The following MIA2 variants were observed in gnomAD, a reference collection of about 807,000 sequenced individuals.
MIA2 encodes the protein melanoma inhibitory activity protein 2.
In MIA2, 127 loss-of-function variants were observed where a neutral mutation model predicts 167.8. The observed-to-expected ratio is 0.76, with a 90% CI of 0.66 to 0.88. The LOEUF is 0.88. Ranked by LOEUF, MIA2 falls within the 40% of genes least tolerant of loss-of-function variation. The pLI is 0.00. For synonymous variants in MIA2, 552 were observed against 541.9 expected, an observed-to-expected ratio of 1.02 and a Z score of -0.26; for missense variants, 1,690 against 1,624.7, an observed-to-expected ratio of 1.04 and a Z score of -0.69.
intron 1 of MIA2, among the ~76,000 whole-genome samples, chr14:39,235,069 T>C (rs912235605): frequency 6.6e-6 from 1 of 151,864 alleles, no homozygotes; most frequent in East Asian, 1.9e-4. Context: ...GGAGTCTTGC[T>C]CTGTCACCCA....
intron 6 of MIA2, among the ~76,000 whole-genome samples, chr14:39,272,426 A>G (rs1275081815): frequency 6.6e-6 from 1 of 152,186 alleles, no homozygotes; most frequent in Non-Finnish European, 1.5e-5. Flanking sequence ...GATCAATCAG[A>G]GGAAAGTGGG....
chr14:39,275,746 A>AT (rs545632780), intron 6 of MIA2, among the ~76,000 whole-genome samples: 35 of 151,852 alleles, frequency 2.3e-4, no homozygotes, highest in African/African-American at 4.8e-4. Context: ...AGCAAAAATA[A>AT]TTTTTTTTTA....
At chr14:39,363,894 CT>C (rs1359866954) in intron 23 of MIA2, among the ~76,000 whole-genome samples, 1 of 152,060 alleles carries the variant, frequency 6.6e-6, no homozygotes, top group African/African-American at 2.4e-5. Context: ...AAGAGTAAAG[CT>C]TTCAGTCTAT....
rs186525189 is a variant in MIA2, at chr14:39,266,989, C to A, written c.1888-9945C>A. ...CAGCGCGGAGTATGAGGCCGAATCT[C>A]ATCCTCTAGTCCCAAGCCTCTCCAC... On this transcript the variant is annotated intron_variant, in intron 6 of 28. Coordinates refer to ENST00000640607, the MANE Select transcript of MIA2 (RefSeq NM_001329214.4). The A allele has an allele frequency of 3.1e-3, 2,463 of 806,854 alleles. 6 individuals carry two copies. The highest frequency in any genetic ancestry group is 3.5e-3 in the Non-Finnish European group (2,322 of 662,066). 50.0% of individuals were successfully genotyped at this position (806,854 alleles called of 1,614,324 possible).
At chr14:39,237,200 A>T (rs1202743665) in intron 2 of MIA2, 145 bp downstream of exon 2, 10 of 885,500 alleles carry the variant, frequency 1.1e-5, no homozygotes. Flanking sequence ...AGCTCACTAC[A>T]ACTTCCAGCT....
At chr14:39,278,870 T>C (rs1299826736) in intron 7 of MIA2, among the ~76,000 whole-genome samples, 1 of 152,168 alleles carries the variant, frequency 6.6e-6, no homozygotes, top group African/African-American at 2.4e-5. Context: ...CTTTAATAAG[T>C]AGTATTTAGG....
At chr14:39,300,439 A>G (rs2062203939) in intron 14 of MIA2, among the ~76,000 whole-genome samples, 1 of 152,134 alleles carries the variant, frequency 6.6e-6, no homozygotes, top group South Asian at 2.1e-4. Flanking sequence ...CATAAGAATA[A>G]AAGGATTTTT....
chr14:39,356,199 G>A (rs1427836523), downstream of MIA2, among the ~76,000 whole-genome samples: 1 of 151,962 alleles, frequency 6.6e-6, no homozygotes, highest in African/African-American at 2.4e-5. Context: ...TTTTTTGGTT[G>A]GTAAGCTATT....
intron 9 of MIA2, among the ~76,000 whole-genome samples, chr14:39,288,468 T>TTTGTTTG: frequency 2.3e-5 from 1 of 44,182 alleles, no homozygotes; most frequent in Non-Finnish European, 3.9e-5. Context: ...TATATATATA[T>TTTGTTTG]ATATATATTT....
chr14:39,304,251 CTG>C, intron 16 of MIA2, 38 bp from the exon 17 acceptor site: 1 of 922,856 alleles, frequency 1.1e-6, no homozygotes, highest in Non-Finnish European at 1.6e-6. Context: ...TTTTGTATAA[CTG>C]ATTAATGTTA....
At chr14:39,347,517 C>A (rs2073555730) in intron 26 of MIA2, 196 bp from the exon 27 acceptor site, 1 of 564,514 alleles carries the variant, frequency 1.8e-6, no homozygotes, top group Non-Finnish European at 3.1e-6. Flanking sequence ...TTGCCACATG[C>A]CATCATAGAA....
intron 9 of MIA2, among the ~76,000 whole-genome samples, chr14:39,281,729 C>G (rs2152764578): frequency 6.6e-6 from 1 of 150,840 alleles, no homozygotes; most frequent in South Asian, 2.1e-4. Context: ...TCAAGTGATT[C>G]TCCTGCCTCA....
intron 13 of MIA2, among the ~76,000 whole-genome samples, chr14:39,297,520 G>T (rs189689421): frequency 6.6e-6 from 1 of 152,142 alleles, no homozygotes; most frequent in African/African-American, 2.4e-5. Context: ...TGCAACTTAG[G>T]TAAAGAATGC....
intron 20 of MIA2, chr14:39,315,120 TAAAAAAAAAAAA>T (rs558848153): frequency 4.7e-5 from 5 of 105,888 alleles, no homozygotes; most frequent in Non-Finnish European, 7.0e-5. Flanking sequence ...CTGTCTCTAC[TAAAAAAAAAAAA>T]AAAAAAAAAA....
rs2063024829 is a variant in MIA2 at position 39,304,531 on chromosome 14, G to C, written c.2878+150G>C. The C allele has an allele frequency of 2.4e-5, 11 of 465,012 alleles. No homozygotes were observed. The South Asian group carries it at 4.2e-4, about 18-fold the overall frequency. The allele number at this position is 465,012 out of a possible 1,614,324, so 28.8% of individuals were successfully genotyped here. A position where few individuals can be genotyped will look rare whatever the true frequency, so the allele number is the denominator to read the frequency against. On this transcript the variant is annotated intron_variant, in intron 17 of 28. Transcript: ENST00000640607. ...CCTGTTGGGTATTTGTGAAACATTAGTCCTGGTTTTTGTTGTCATTGTTGC... is the reference window on the plus strand; with the variant it reads ...CCTGTTGGGTATTTGTGAAACATTACTCCTGGTTTTTGTTGTCATTGTTGC...
chr14:39,269,356 T>C (rs1341211606), intron 6 of MIA2, among the ~76,000 whole-genome samples: 1 of 151,674 alleles, frequency 6.6e-6, no homozygotes, highest in Non-Finnish European at 1.5e-5. Context: ...CCACCCCTCA[T>C]CCCTTGACAA....
Position 39,337,648 on chromosome 14 carries a change from G to A in MIA2, c.3656-8256G>A, listed in dbSNP as rs565673991. 1.2e-4 allele frequency among the ~76,000 whole-genome samples: 19 copies of A among 152,204 alleles called. No individual in the cohort carries two copies. In the South Asian group the frequency reaches 3.5e-3, roughly 28 times the overall value. ...AACTATTGATACATGCAACAATTTG[G>A]ATGTATCTCAATGGTTGAGTGAAGA... On this transcript the variant is annotated intron_variant, in intron 25 of 28. Coordinates refer to ENST00000640607, the MANE Select transcript of MIA2 (RefSeq NM_001329214.4).
rs1438050708 is a variant in MIA2 at position 39,278,731 on chromosome 14, ATTATT to A, written c.2020-603_2020-599del. 1.3e-4 allele frequency among the ~76,000 whole-genome samples: 20 copies of A among 152,318 alleles called. 1 individual carries two copies. The Middle Eastern group carries it at 0.02, about 155-fold the overall frequency. The stretch of plus-strand genomic sequence containing the variant: ...GATATGATAATAGGGGCTTCTTGAA[ATTATT>A]TTTTTAGGGTCAAATTTGTTTGGGG... On this transcript the variant is annotated intron_variant, in intron 7 of 28. Coordinates refer to ENST00000640607, the MANE Select transcript of MIA2 (RefSeq NM_001329214.4).
intron 4 of MIA2, 61 bp downstream of exon 4, chr14:39,248,202 A>G: frequency 8.4e-7 from 1 of 1,190,124 alleles, no homozygotes; most frequent in Non-Finnish European, 1.1e-6. Context: ...TTATTTTTAT[A>G]AGTGCAAATC....
Sources: allele counts gnomAD v4.1 joint callset (sites outside exome capture counted in the v4.1 genomes callset), GRCh38; gene constraint gnomAD v4.1.1; transcripts MANE v1.5; gene names NCBI Gene and HGNC (gene_info 2026-07-23, HGNC 2026-07-21).